AP1M1: variants seen among roughly 807,000 people sequenced by gnomAD.
AP1M1 encodes the protein adaptor related protein complex 1 subunit mu 1.
AP1M1 carries 18 observed loss-of-function variants against 57.1 expected under a neutral mutation model. That is an observed-to-expected ratio of 0.32 (90% CI 0.22 to 0.47). The LOEUF (loss-of-function observed/expected upper bound fraction) is 0.47, where lower values mean the gene tolerates loss of function less well. AP1M1 is among the 20% of genes least tolerant of loss of function. The pLI is 1.00. For missense variants in AP1M1, 362 were observed against 593.5 expected (o/e 0.61, Z 4.05); for synonymous variants, 241 against 237.9 (o/e 1.01, Z -0.12).
intron 5 of AP1M1, among the ~76,000 whole-genome samples, chr19:16,215,113 G>T (rs1275503250): frequency 6.8e-6 from 1 of 147,534 alleles, no homozygotes; most frequent in Non-Finnish European, 1.5e-5. Context: ...ATTCTGGATT[G>T]GAATTTCTTT....
In AP1M1 at chr19:16,234,277, G is replaced by A; in HGVS notation, c.1249+3G>A. The stretch of plus-strand genomic sequence containing the variant: ...GCGTTATATCACGCAGAATGGAGGT[G>A]AGTGAGGCCCTACCCGTGGGGTGGG... On this transcript the variant is annotated splice_donor_region_variant and intron_variant, in intron 11 of 11. Coordinates refer to ENST00000291439, the MANE Select transcript of AP1M1 (RefSeq NM_032493.4). 6.2e-7 allele frequency: 1 copy of A among 1,613,844 alleles called. No homozygotes were observed. The highest frequency in any genetic ancestry group is 2.2e-5 in the East Asian group (1 of 44,874).
Position 16,206,497 on chromosome 19 carries a change from G to T in AP1M1, c.267+89G>T. 5 of 1,401,506 alleles carry T rather than the reference G, an allele frequency of 3.6e-6. No homozygotes were observed. Among genetic ancestry groups the T allele is most frequent in the Non-Finnish European group, 5.0e-6 (5 of 994,518 alleles). 86.8% of individuals were successfully genotyped at this position (1,401,506 alleles called of 1,614,324 possible). The stretch of plus-strand genomic sequence containing the variant: ...TCCCCATACCTGGCCACCCTACAGA[G>T]AGCTGTGGCATCCCCAGGGAGCACT... On this transcript the variant is annotated intron_variant, in intron 3 of 11. Transcript: ENST00000291439. The surrounding 1 kb of genome is among the most constrained non-coding windows in gnomAD (Gnocchi z 4.3).
chr19:16,200,530 C>T (rs1048270414), intron 1 of AP1M1, among the ~76,000 whole-genome samples: 2 of 152,206 alleles, frequency 1.3e-5, no homozygotes, highest in African/African-American at 4.8e-5. Context: ...TTCCCTTCCT[C>T]TGCAACCATG....
chr19:16,224,613 C>T (rs930774504), intron 5 of AP1M1, among the ~76,000 whole-genome samples: 6 of 152,244 alleles, frequency 3.9e-5, no homozygotes, highest in African/African-American at 9.6e-5. Context: ...GATTGCTGCC[C>T]GCAGGGCCGA....
chr19:16,234,793 CT>C lies in AP1M1; in HGVS notation c.*359del. The C allele has an allele frequency of 2.4e-6, 1 of 417,450 alleles. No individual in the cohort carries two copies. The highest frequency in any genetic ancestry group is 4.4e-6 in the Non-Finnish European group (1 of 229,412). The allele number at this position is 417,450 out of a possible 1,614,324, so 25.9% of individuals were successfully genotyped here. On this transcript the variant is annotated 3_prime_UTR_variant, in exon 12 of 12. Transcript: ENST00000291439. ...CCAGCCAGCCAGCTGCAGGTGGCAT[CT>C]GCCACGAAGGAAGCGCCAGCCTCGC...
chr19:16,221,506 A>C (rs2091544218), intron 5 of AP1M1, among the ~76,000 whole-genome samples: 1 of 152,246 alleles, frequency 6.6e-6, no homozygotes, highest in South Asian at 2.1e-4. Flanking sequence ...CTAATAACTT[A>C]AAACTTTCCT....
rs2091655018 is a variant in AP1M1 at position 16,244,265 on chromosome 19, G to A, written c.*9830G>A. 1.3e-5 allele frequency: 2 copies of A among 152,294 alleles called. No individual in the cohort carries two copies. Among genetic ancestry groups the A allele is most frequent in the South Asian group, 2.1e-4 (1 of 4,820 alleles). The allele number at this position is 152,294 out of a possible 1,614,324, so 9.4% of individuals were successfully genotyped here. On this transcript the variant is annotated 3_prime_UTR_variant, in exon 12 of 12. Transcript: ENST00000291439. ...CCAGCAAAAGTATTTCAAGAATGAG[G>A]TTACAGTAAAAACATTTTGCAGACA...
chr19:16,200,247 C>T (rs1247978880), intron 1 of AP1M1, among the ~76,000 whole-genome samples: 1 of 152,122 alleles, frequency 6.6e-6, no homozygotes, highest in African/African-American at 2.4e-5. Flanking sequence ...TCATCTTTAG[C>T]CAGTGGAAGG....
chr19:16,210,180 A>T (rs528739484), intron 5 of AP1M1, among the ~76,000 whole-genome samples: 18 of 152,324 alleles, frequency 1.2e-4, no homozygotes, highest in Admixed American at 1.1e-3. Flanking sequence ...GATTCATCCA[A>T]ATCCAATTGT....
intron 5 of AP1M1, among the ~76,000 whole-genome samples, chr19:16,224,474 C>T (rs957845990): frequency 2.6e-5 from 4 of 152,224 alleles, no homozygotes; most frequent in Admixed American, 6.5e-5. Flanking sequence ...ACATTTGCCT[C>T]CAGATGCGAT....
At position 16,234,395 on chromosome 19, in the gene AP1M1, C is replaced by G. The variant is rs771138980; in HGVS notation, c.1250-18C>G. ...GAGGGTGCAGAGCCCAGCATGACGCCTCCCTCCTGTCTCCTAGATTACCAG... is the reference window on the plus strand; with the variant it reads ...GAGGGTGCAGAGCCCAGCATGACGCGTCCCTCCTGTCTCCTAGATTACCAG... On this transcript the variant is annotated intron_variant, in intron 11 of 11. Coordinates refer to ENST00000291439, the MANE Select transcript of AP1M1 (RefSeq NM_032493.4). The G allele has an allele frequency of 6.2e-7, 1 of 1,613,990 alleles. No individual in the cohort carries two copies. Among genetic ancestry groups the G allele is most frequent in the Non-Finnish European group, 8.5e-7 (1 of 1,179,968 alleles).
rs2091656427 is a variant in AP1M1 at position 16,244,685 on chromosome 19, C to G, written c.*10250C>G. The G allele has an allele frequency of 2.0e-5, 3 of 151,642 alleles. No homozygotes were observed. Among genetic ancestry groups the G allele is most frequent in the Admixed American group, 1.3e-4 (2 of 15,230 alleles). 9.4% of individuals were successfully genotyped at this position (151,642 alleles called of 1,614,324 possible). A position where few individuals can be genotyped will look rare whatever the true frequency, so the allele number is the denominator to read the frequency against. ...CTCTACTAAAAATACAAAAAATTAG[C>G]CGGGCGCGGTGGCGGGCGCCTGTAG... On this transcript the variant is annotated 3_prime_UTR_variant, in exon 12 of 12. Coordinates refer to ENST00000291439, the MANE Select transcript of AP1M1 (RefSeq NM_032493.4).
chr19:16,201,388 C>CTTTTTTTTT (rs57467734), intron 1 of AP1M1, among the ~76,000 whole-genome samples: 3 of 62,394 alleles, frequency 4.8e-5, no homozygotes, highest in Non-Finnish European at 8.8e-5. Context: ...GGGAGGATTT[C>CTTTTTTTTT]TTTTTTTTTT....
chr19:16,212,814 C>G (rs1196919302), intron 5 of AP1M1, among the ~76,000 whole-genome samples: 1 of 152,188 alleles, frequency 6.6e-6, no homozygotes, highest in Admixed American at 6.6e-5. Flanking sequence ...TTATTTGTTT[C>G]AAATAATTTC....
At chr19:16,208,256 C>T (rs1328867641) in intron 4 of AP1M1, 107 bp downstream of exon 4, 6 of 1,263,734 alleles carry the variant, frequency 4.7e-6, no homozygotes. Context: ...TGTTGTCCCC[C>T]ACCTGCCTCC....
chr19:16,221,164 G>T (rs1399471149), intron 5 of AP1M1, among the ~76,000 whole-genome samples: 1 of 152,036 alleles, frequency 6.6e-6, no homozygotes, highest in African/African-American at 2.4e-5. Context: ...TTTCATTCTT[G>T]TTGCCCAGTC....
At chr19:16,232,559 C>G (rs2091603504) in intron 9 of AP1M1, among the ~76,000 whole-genome samples, 1 of 152,234 alleles carries the variant, frequency 6.6e-6, no homozygotes, top group Non-Finnish European at 1.5e-5. Flanking sequence ...CATCTTCCCC[C>G]CGTCATCCTC....
chr19:16,208,808 G>C (rs2091480875), intron 4 of AP1M1: 2 of 507,722 alleles, frequency 3.9e-6, no homozygotes, highest in Non-Finnish European at 7.0e-6. Flanking sequence ...TCTATAACTT[G>C]AGTGTATTGG....
chr19:16,237,738 A>AG lies in AP1M1; in HGVS notation c.*3304dup, dbSNP rs2091630538. On this transcript the variant is annotated 3_prime_UTR_variant, in exon 12 of 12. Transcript: ENST00000291439. Reference sequence around the variant, plus strand: ...CAACAGAGCAAGACTTCATCTCAAAAGAAAAAAAAAAGGCAAACGTTCAAC... The same window carrying AG: ...CAACAGAGCAAGACTTCATCTCAAAAGGAAAAAAAAAAGGCAAACGTTCAAC... 1 of 152,048 alleles carries AG rather than the reference A, an allele frequency of 6.6e-6. No homozygotes were observed. The highest frequency in any genetic ancestry group is 1.5e-5 in the Non-Finnish European group (1 of 68,010). 9.4% of individuals were successfully genotyped at this position (152,048 alleles called of 1,614,324 possible).
Sources: gnomAD v4.1 joint callset for allele counts (sites outside exome capture counted in the v4.1 genomes callset) on GRCh38, gnomAD v4.1.1 for gene constraint, Gnocchi (gnomAD v3.1) non-coding constraint, MANE v1.5 for transcripts, NCBI Gene and HGNC (gene_info 2026-07-23, HGNC 2026-07-21) for gene names.